The following EGF variants were observed in gnomAD, a reference collection of about 807,000 sequenced individuals.
The protein encoded by EGF is epidermal growth factor.
EGF carries 95 observed loss-of-function variants against 143.8 expected under a neutral mutation model. The observed-to-expected ratio is 0.66, with a 90% confidence interval of 0.56 to 0.78. The LOEUF (loss-of-function observed/expected upper bound fraction) is 0.78, where lower values mean the gene tolerates loss of function less well. Among genes scored for constraint, EGF ranks in the 30% least tolerant of loss-of-function variants. The pLI is 0.00. For synonymous variants in EGF, 510 were observed against 510.5 expected (o/e 1.00, Z 0.01); for missense variants, 1,320 against 1,470.9 (o/e 0.90, Z 1.68).
chr4:109,999,895 C>G, intron 21 of EGF, 49 bp downstream of exon 21: 1 of 1,609,680 alleles, frequency 6.2e-7, no homozygotes, highest in Non-Finnish European at 8.5e-7. Flanking sequence ...TAAGACCTCC[C>G]AGGGGAATGC....
At chr4:109,991,196 A>G (rs1578364013) in intron 18 of EGF, among the ~76,000 whole-genome samples, 1 of 146,044 alleles carries the variant, frequency 6.8e-6, no homozygotes, top group East Asian at 2.0e-4. Flanking sequence ...GTATTCAAAT[A>G]TATCCAAAAT....
chr4:109,921,206 A>T (rs1470445992), intron 1 of EGF, among the ~76,000 whole-genome samples: 1 of 151,604 alleles, frequency 6.6e-6, no homozygotes, highest in Non-Finnish European at 1.5e-5. Flanking sequence ...ATTTCTTAAG[A>T]GCATCTTCCA....
At chr4:109,998,499 T>C (rs1332018556) in intron 20 of EGF, among the ~76,000 whole-genome samples, 1 of 152,220 alleles carries the variant, frequency 6.6e-6, no homozygotes, top group African/African-American at 2.4e-5. Context: ...TCCTTGAGCC[T>C]CAGTTTCCTT....
chr4:109,993,340 G>C lies in EGF; in HGVS notation c.2828G>C (p.Arg943Pro), dbSNP rs1212691840. The C allele has an allele frequency of 6.2e-7, 1 of 1,613,534 alleles. No individual in the cohort carries two copies. Among genetic ancestry groups the C allele is most frequent in the African/African-American group, 1.3e-5 (1 of 74,908 alleles). The change falls in exon 19 of 24, where the codon CGC (arginine) becomes CCC (proline). Residue 943 changes from arginine to proline, a missense_variant. By Grantham distance (103) the Arg-to-Pro change is moderately radical. This residue lies in a region of EGF where 1,186 missense variants were observed against 1,313.7 expected (regional missense o/e 0.90). Coordinates refer to ENST00000265171, the MANE Select transcript of EGF (RefSeq NM_001963.6). ...EGGYTCMCAG[R>P]LSEPGLICPD... ...GGCTATACCTGCATGTGTGCTGGAC[G>C]CCTGTCTGAACCAGGACTGATTTGC...
At chr4:109,936,119 T>A (rs1330868651) in intron 1 of EGF, among the ~76,000 whole-genome samples, 2 of 152,256 alleles carry the variant, frequency 1.3e-5, no homozygotes, top group African/African-American at 4.8e-5. Flanking sequence ...TCAGAAGGAA[T>A]GATACCAGCT....
intron 2 of EGF, among the ~76,000 whole-genome samples, chr4:109,941,531 T>C (rs1741925396): frequency 6.6e-6 from 1 of 152,158 alleles, no homozygotes; most frequent in African/African-American, 2.4e-5. Context: ...GGAAACATTT[T>C]TGGTTGTCAC....
At chr4:109,986,978 G>A (rs539911766) in intron 16 of EGF, among the ~76,000 whole-genome samples, 44 of 152,272 alleles carry the variant, frequency 2.9e-4, no homozygotes, top group African/African-American at 1.0e-3. Context: ...TAAATTGTCA[G>A]TAAATCTTTT....
In EGF at chr4:109,961,941, G is replaced by A; in HGVS notation, c.1268G>A (p.Cys423Tyr). 1 of 1,613,910 alleles carries A rather than the reference G, an allele frequency of 6.2e-7. No individual in the cohort carries two copies. Among genetic ancestry groups the A allele is most frequent in the Non-Finnish European group, 8.5e-7 (1 of 1,179,840 alleles). ...ACATCAGAAGGTCCCTTATGTTTCT[G>A]TCCTGAAGGCTCAGTGCTTGAGAGA... is the stretch of plus-strand genomic sequence containing the variant. ...VLTSEGPLCFCPEGSVLERDG... is the reference protein window; with the variant it reads ...VLTSEGPLCFYPEGSVLERDG... The change falls in exon 8 of 24, where the codon TGT becomes TAT. Residue 423 changes from cysteine (C) to tyrosine (Y), a missense_variant. By Grantham distance (194) the Cys-to-Tyr change is radical. Around this residue, in one of 5 missense-constraint regions of EGF, gnomAD observed 1,186 missense variants for 1,313.7 expected, o/e 0.90. Transcript: ENST00000265171.
intron 5 of EGF, among the ~76,000 whole-genome samples, chr4:109,945,831 G>A (rs932208615): frequency 6.6e-6 from 1 of 152,180 alleles, no homozygotes; most frequent in Non-Finnish European, 1.5e-5. Flanking sequence ...AATAAAGTTT[G>A]TTAATGTAGG....
At chr4:109,980,577 A>T (rs1039649878) in intron 14 of EGF, 2 of 542,166 alleles carry the variant, frequency 3.7e-6, no homozygotes, top group African/African-American at 3.8e-5. Context: ...CATTTGACTA[A>T]AGAGCTTCTT....
chr4:109,988,427 C>T (rs1309220507), intron 17 of EGF, among the ~76,000 whole-genome samples, 157 bp from the exon 18 acceptor site: 5 of 152,278 alleles, frequency 3.3e-5, no homozygotes, highest in African/African-American at 1.2e-4. Flanking sequence ...AACTTGTGAA[C>T]TTTATGTCCA....
intron 1 of EGF, among the ~76,000 whole-genome samples, chr4:109,929,528 T>A (rs1340586314): frequency 6.6e-6 from 1 of 152,176 alleles, no homozygotes; most frequent in African/African-American, 2.4e-5. Flanking sequence ...GAAACAAGTT[T>A]CATGTTGCAG....
At chr4:109,970,984 AT>A (rs1210370120) in intron 11 of EGF, among the ~76,000 whole-genome samples, 5 of 152,070 alleles carry the variant, frequency 3.3e-5, no homozygotes, top group African/African-American at 1.2e-4. Flanking sequence ...TTATTTGAGT[AT>A]TTATTTACTG....
At chr4:109,929,350 C>A (rs1012635778) in intron 1 of EGF, among the ~76,000 whole-genome samples, 1 of 152,110 alleles carries the variant, frequency 6.6e-6, no homozygotes, top group Non-Finnish European at 1.5e-5. Context: ...GCATTTACCT[C>A]CTAGTGTTCT....
chr4:109,970,532 T>A (rs1747395205), intron 11 of EGF, among the ~76,000 whole-genome samples: 1 of 152,136 alleles, frequency 6.6e-6, no homozygotes, highest in Admixed American at 6.5e-5. Flanking sequence ...ATATCTCTTT[T>A]TATCAGGATA....
intron 1 of EGF, among the ~76,000 whole-genome samples, chr4:109,939,517 C>T (rs1403553649): frequency 6.6e-6 from 1 of 152,278 alleles, no homozygotes; most frequent in African/African-American, 2.4e-5. Flanking sequence ...ACACCCCACC[C>T]TGCTTCGGCT....
intron 21 of EGF, among the ~76,000 whole-genome samples, chr4:110,000,062 G>A: frequency 6.6e-6 from 1 of 152,048 alleles, no homozygotes; most frequent in East Asian, 1.9e-4. Flanking sequence ...GACCAGCCTG[G>A]CCAACATGGT....
intron 5 of EGF, among the ~76,000 whole-genome samples, chr4:109,956,400 T>G (rs1744796697): frequency 6.6e-6 from 1 of 152,210 alleles, no homozygotes; most frequent in Non-Finnish European, 1.5e-5. Context: ...CAAGAAAGTG[T>G]AGCATTTCAG....
At chr4:109,917,419 G>A (rs1190597153) in intron 1 of EGF, among the ~76,000 whole-genome samples, 4 of 152,022 alleles carry the variant, frequency 2.6e-5, no homozygotes, top group Non-Finnish European at 4.4e-5. Context: ...TTACAAATCT[G>A]CCTTTATGAA....
Sources: allele counts gnomAD v4.1 joint callset (sites outside exome capture counted in the v4.1 genomes callset), GRCh38; gene constraint gnomAD v4.1.1; regional missense constraint gnomAD v4.1.1; transcripts MANE v1.5; gene names NCBI Gene and HGNC (gene_info 2026-07-23, HGNC 2026-07-21).